The following FBXL13 variants were observed in gnomAD, a reference collection of about 807,000 sequenced individuals.
FBXL13 encodes the protein F-box and leucine-rich repeat protein 13.
Under a neutral mutation model 83.6 loss-of-function variants are expected in FBXL13, and 67 were observed. The ratio of observed to expected loss-of-function variants is 0.80; its 90% CI spans 0.66 to 0.98. FBXL13 has a LOEUF of 0.98. Among genes scored for constraint, FBXL13 ranks in the 50% least tolerant of loss-of-function variants. FBXL13 has a pLI of 0.00. For missense variants in FBXL13, 822 were observed against 866.5 expected, an observed-to-expected ratio of 0.95 and a Z score of 0.64; for synonymous variants, 272 against 299.5, an observed-to-expected ratio of 0.91 and a Z score of 0.95.
At chr7:103,014,374 G>C (rs1038824124) in intron 6 of FBXL13, among the ~76,000 whole-genome samples, 1 of 151,696 alleles carries the variant, frequency 6.6e-6, no homozygotes, top group Non-Finnish European at 1.5e-5. Context: ...AATCAAATCA[G>C]TAATAAAAGC....
At chr7:102,874,130 G>A (rs1484576611) in intron 16 of FBXL13, among the ~76,000 whole-genome samples, 2 of 152,294 alleles carry the variant, frequency 1.3e-5, no homozygotes, top group African/African-American at 4.8e-5. Flanking sequence ...GAAAACATGG[G>A]AAATTTTCTC....
chr7:103,003,288 T>TTG (rs1378502507), intron 6 of FBXL13, among the ~76,000 whole-genome samples: 2 of 125,224 alleles, frequency 1.6e-5, no homozygotes, highest in Admixed American at 8.0e-5. Flanking sequence ...GTTTTTTTTT[T>TTG]TTTTTTTTTT....
chr7:102,970,048 C>CA (rs1188581982), intron 6 of FBXL13, among the ~76,000 whole-genome samples: 1 of 151,966 alleles, frequency 6.6e-6, no homozygotes, highest in Non-Finnish European at 1.5e-5. Flanking sequence ...CCCAGGAGTT[C>CA]AAGACTAGCC....
chr7:103,074,440 C>G, exon 1 of FBXL13: 1 of 1,107,368 alleles, frequency 9.0e-7, no homozygotes, highest in South Asian at 2.0e-5. Context: ...GGGCCTTGTG[C>G]TCATTCCCCC....
chr7:102,954,749 C>A (rs1273909679), intron 8 of FBXL13, among the ~76,000 whole-genome samples: 2 of 152,060 alleles, frequency 1.3e-5, no homozygotes, highest in Non-Finnish European at 2.9e-5. Flanking sequence ...ATCCTACTCA[C>A]TGATAAAACA....
At chr7:102,880,897 ATTG>A (rs1809956872) in intron 14 of FBXL13, among the ~76,000 whole-genome samples, 1 of 152,104 alleles carries the variant, frequency 6.6e-6, no homozygotes, top group Non-Finnish European at 1.5e-5. Flanking sequence ...CTCAAAGGCA[ATTG>A]TTGTCATAAA....
chr7:103,062,914 A>G (rs551539069), intron 1 of FBXL13, among the ~76,000 whole-genome samples: 211 of 152,358 alleles, frequency 1.4e-3, no homozygotes, highest in Non-Finnish European at 2.6e-3. Flanking sequence ...GTAGAGACCC[A>G]GCAAATATTT....
intron 2 of FBXL13, among the ~76,000 whole-genome samples, chr7:103,038,311 G>C (rs1291248104): frequency 6.6e-5 from 10 of 152,204 alleles, no homozygotes; most frequent in African/African-American, 2.4e-4. Flanking sequence ...AGGCCAGGAA[G>C]CACAAACTGG....
intron 16 of FBXL13, among the ~76,000 whole-genome samples, chr7:102,866,390 G>T (rs1006347660): frequency 6.6e-6 from 1 of 152,178 alleles, no homozygotes; most frequent in Non-Finnish European, 1.5e-5. Flanking sequence ...ACATAGTCAT[G>T]TAAGGCCACT....
At chr7:102,907,055 C>A (rs1054869611) in intron 11 of FBXL13, among the ~76,000 whole-genome samples, 12 of 152,068 alleles carry the variant, frequency 7.9e-5, no homozygotes, top group African/African-American at 2.9e-4. Context: ...TCACTGCAAC[C>A]TCCACCTCCC....
chr7:103,011,837 T>A (rs1055824507), intron 6 of FBXL13, among the ~76,000 whole-genome samples: 5 of 151,688 alleles, frequency 3.3e-5, no homozygotes, highest in Non-Finnish European at 5.9e-5. Context: ...CTCCAAGAAA[T>A]ATGGGATTAT....
Position 102,822,290 on chromosome 7 carries a change from A to G in FBXL13, c.1855-87T>C, listed in dbSNP as rs560712455. ...CTTAGTCACTTTGGGCAACTATAATAAACTACCACAGACTGTGGCTTAAAC... is the reference window on the plus strand; with the variant it reads ...CTTAGTCACTTTGGGCAACTATAATGAACTACCACAGACTGTGGCTTAAAC... On this transcript the variant is annotated intron_variant, in intron 18 of 19. Coordinates refer to ENST00000313221, the Ensembl canonical transcript of FBXL13. The G allele has an allele frequency of 3.3e-6, 4 of 1,218,234 alleles. No homozygotes were observed. In the East Asian group the frequency reaches 9.4e-5, roughly 29 times the overall value. The allele number at this position is 1,218,234 out of a possible 1,614,324, so 75.5% of individuals were successfully genotyped here. A position where few individuals can be genotyped will look rare whatever the true frequency, so the allele number is the denominator to read the frequency against.
intron 8 of FBXL13, among the ~76,000 whole-genome samples, chr7:102,954,044 A>G (rs1208416324): frequency 6.6e-6 from 1 of 152,090 alleles, no homozygotes; most frequent in East Asian, 1.9e-4. Context: ...CTGCATTTCC[A>G]ACTGAGGTAC....
At chr7:102,994,181 A>C (rs373696501) in intron 6 of FBXL13, among the ~76,000 whole-genome samples, 1 of 152,168 alleles carries the variant, frequency 6.6e-6, no homozygotes, top group African/African-American at 2.4e-5. Flanking sequence ...CTATTATATA[A>C]ATCTACTCTT....
chr7:102,963,730 C>T (rs1189418199), intron 7 of FBXL13, 65 bp from the exon 9 acceptor site: 1 of 1,476,044 alleles, frequency 6.8e-7, no homozygotes. Context: ...GCAACAAAAA[C>T]AATAATAGAC....
At chr7:103,033,354 A>G (rs1409600669) in intron 2 of FBXL13, among the ~76,000 whole-genome samples, 1 of 152,210 alleles carries the variant, frequency 6.6e-6, no homozygotes, top group Non-Finnish European at 1.5e-5. Flanking sequence ...CTATTTGTGC[A>G]ATACAAAGTG....
chr7:102,882,216 T>C (rs1385653396), intron 14 of FBXL13, among the ~76,000 whole-genome samples: 2 of 152,076 alleles, frequency 1.3e-5, no homozygotes, highest in East Asian at 3.9e-4. Context: ...ACTGTGCAAC[T>C]GTACTTCAGC....
intron 6 of FBXL13, among the ~76,000 whole-genome samples, chr7:103,018,740 T>C (rs1272200679): frequency 1.3e-5 from 2 of 152,272 alleles, no homozygotes; most frequent in Middle Eastern, 3.4e-3. Context: ...GGCCATTACA[T>C]AATGGTCAAG....
chr7:103,008,734 T>G (rs564084841), intron 6 of FBXL13, among the ~76,000 whole-genome samples: 1 of 152,204 alleles, frequency 6.6e-6, no homozygotes, highest in African/African-American at 2.4e-5. Context: ...ATTTTTGTAT[T>G]TTTAGGAGAG....
Sources: allele counts gnomAD v4.1 joint callset (sites outside exome capture counted in the v4.1 genomes callset), GRCh38; gene constraint gnomAD v4.1.1; transcripts MANE v1.5; gene names NCBI Gene and HGNC (gene_info 2026-07-23, HGNC 2026-07-21).